The following EXOC4 variants were observed in gnomAD, a reference collection of about 807,000 sequenced individuals.
EXOC4 encodes SEC8-like 1.
In EXOC4, 71 loss-of-function variants were observed where a neutral mutation model predicts 107.2. The ratio of observed to expected loss-of-function variants is 0.66; its 90% CI spans 0.55 to 0.81. The LOEUF is 0.81. Ranked by LOEUF, EXOC4 falls within the 30% of genes least tolerant of loss-of-function variation. The pLI is 0.00. For synonymous variants in EXOC4, 456 were observed against 441.2 expected (o/e 1.03, Z -0.42); for missense variants, 1,108 against 1,189.6 (o/e 0.93, Z 1.01).
chr7:133,776,325 G>A (rs911579784), intron 10 of EXOC4, among the ~76,000 whole-genome samples: 2 of 152,166 alleles, frequency 1.3e-5, no homozygotes, highest in African/African-American at 4.8e-5. Context: ...CTCCTTTTCT[G>A]ATCCTGCCAA....
At position 134,065,743 on chromosome 7, in the gene EXOC4, G is replaced by A. The variant is rs534722004; in HGVS notation, c.*1215G>A. 2 of 152,304 alleles carry A rather than the reference G, an allele frequency of 1.3e-5. No homozygotes were observed. Among genetic ancestry groups the A allele is most frequent in the African/African-American group, 4.8e-5 (2 of 41,558 alleles). 9.4% of individuals were successfully genotyped at this position (152,304 alleles called of 1,614,324 possible). A position where few individuals can be genotyped will look rare whatever the true frequency, so the allele number is the denominator to read the frequency against. On this transcript the variant is annotated 3_prime_UTR_variant, in exon 18 of 18. Coordinates refer to ENST00000253861, the MANE Select transcript of EXOC4 (RefSeq NM_021807.4). The stretch of plus-strand genomic sequence containing the variant: ...GATGGGAAAAATGGAGAATTAAAAA[G>A]TGTTTTGAGAAGCTTAAATGTTTCA...
intron 14 of EXOC4, among the ~76,000 whole-genome samples, chr7:133,961,350 G>A (rs1800940168): frequency 6.9e-6 from 1 of 145,022 alleles, no homozygotes; most frequent in Middle Eastern, 3.5e-3. Context: ...GCAGTGGCAT[G>A]ATTTCGGCTC....
chr7:133,767,277 C>T (rs2151158562), intron 10 of EXOC4, among the ~76,000 whole-genome samples: 1 of 151,992 alleles, frequency 6.6e-6, no homozygotes, highest in South Asian at 2.1e-4. Flanking sequence ...TAAAACATGC[C>T]TCTTCAGGTA....
chr7:133,927,588 A>G, intron 13 of EXOC4, among the ~76,000 whole-genome samples: 1 of 152,248 alleles, frequency 6.6e-6, no homozygotes, highest in Non-Finnish European at 1.5e-5. Flanking sequence ...CAAAGTGTTC[A>G]TATTTATGTT....
chr7:133,791,849 T>C (rs1050234992), intron 10 of EXOC4, among the ~76,000 whole-genome samples: 3 of 152,222 alleles, frequency 2.0e-5, no homozygotes, highest in Non-Finnish European at 4.4e-5. Flanking sequence ...GTGAAAATGC[T>C]GCCTAATATT....
intron 14 of EXOC4, among the ~76,000 whole-genome samples, chr7:133,968,242 T>C (rs1374125360): frequency 1.3e-5 from 2 of 152,180 alleles, no homozygotes; most frequent in East Asian, 3.9e-4. Flanking sequence ...TGTCTTTGCA[T>C]GTGAGATGGG....
intron 14 of EXOC4, among the ~76,000 whole-genome samples, chr7:133,995,781 A>G (rs1794376066): frequency 1.3e-5 from 2 of 152,122 alleles, no homozygotes; most frequent in Non-Finnish European, 2.9e-5. Context: ...TTAGCCTTAC[A>G]TGTTAGAAGC....
chr7:134,077,838 C>T, the EXOC4 span, among the ~76,000 whole-genome samples: 18 of 152,228 alleles, frequency 1.2e-4, no homozygotes, highest in Non-Finnish European at 2.5e-4. Context: ...TCAGGCTCCT[C>T]ATGACCTTCA....
chr7:133,693,008 C>T (rs2430774), intron 10 of EXOC4, among the ~76,000 whole-genome samples: 1 of 152,108 alleles, frequency 6.6e-6, no homozygotes, highest in African/African-American at 2.4e-5. Context: ...AAGTACCATG[C>T]CCCTTGTATT....
intron 10 of EXOC4, among the ~76,000 whole-genome samples, chr7:133,811,285 T>G (rs555358572): frequency 7.9e-5 from 12 of 152,326 alleles, no homozygotes; most frequent in African/African-American, 2.2e-4. Context: ...TATTTTCTTT[T>G]CTAATGAGAT....
At chr7:133,460,204 C>T (rs190408915) in intron 7 of EXOC4, among the ~76,000 whole-genome samples, 2 of 152,258 alleles carry the variant, frequency 1.3e-5, no homozygotes, top group East Asian at 1.9e-4. Context: ...CTAGATCCCT[C>T]GCATGTGCAG....
In EXOC4 at chr7:134,023,612, G is replaced by A. The variant is rs541576451; in HGVS notation, c.2687+15777G>A. Among the ~76,000 whole-genome samples, 22 of 152,238 alleles carry A rather than the reference G, an allele frequency of 1.4e-4. No homozygotes were observed. The South Asian group carries it at 3.5e-3, about 24-fold the overall frequency. ...AACTCTGAAGGATTAAGTAACCCGGGTTCTACACTGTGGTAAATGACAAGA... is the reference window on the plus strand; with the variant it reads ...AACTCTGAAGGATTAAGTAACCCGGATTCTACACTGTGGTAAATGACAAGA... On this transcript the variant is annotated intron_variant, in intron 17 of 17. Coordinates refer to ENST00000253861, the MANE Select transcript of EXOC4 (RefSeq NM_021807.4).
intron 1 of EXOC4, among the ~76,000 whole-genome samples, chr7:133,273,301 C>A (rs905042452): frequency 6.6e-6 from 1 of 152,194 alleles, no homozygotes; most frequent in African/African-American, 2.4e-5. Context: ...CGTTTACATT[C>A]TCCACTCTGA....
chr7:133,835,371 C>T (rs1041222997), intron 11 of EXOC4, among the ~76,000 whole-genome samples: 16 of 152,156 alleles, frequency 1.1e-4, no homozygotes, highest in African/African-American at 2.4e-4. Context: ...ACACATGCAA[C>T]GTCAATACAT....
chr7:133,581,540 C>T (rs184192357), intron 9 of EXOC4, among the ~76,000 whole-genome samples: 6,188 of 151,640 alleles, frequency 0.041, 418 homozygotes, highest in African/African-American at 0.14. Flanking sequence ...GGGCGGATCA[C>T]GAGGTCAGGA....
intron 11 of EXOC4, among the ~76,000 whole-genome samples, chr7:133,833,649 A>G (rs1378773414): frequency 2.0e-5 from 3 of 152,112 alleles, no homozygotes; most frequent in African/African-American, 7.2e-5. Context: ...TGCAGCCTTG[A>G]TCTTCTGGAC....
intron 3 of EXOC4, among the ~76,000 whole-genome samples, chr7:133,295,112 A>G (rs1794489521): frequency 2.0e-5 from 3 of 152,122 alleles, no homozygotes; most frequent in Admixed American, 2.0e-4. Flanking sequence ...GATTGCTTCC[A>G]TGTTATAATC....
chr7:133,358,689 A>T (rs904880464), intron 6 of EXOC4, among the ~76,000 whole-genome samples: 8 of 152,200 alleles, frequency 5.3e-5, no homozygotes, highest in Non-Finnish European at 7.3e-5. Flanking sequence ...GCTGTAGTAT[A>T]TATTGGAAAT....
At chr7:134,056,026 G>T (rs1563107021) in intron 17 of EXOC4, among the ~76,000 whole-genome samples, 1 of 152,060 alleles carries the variant, frequency 6.6e-6, no homozygotes, top group Non-Finnish European at 1.5e-5. Flanking sequence ...AAGCCGTAGG[G>T]CCTCTCAGCA....
Sources: gnomAD v4.1 joint callset for allele counts (sites outside exome capture counted in the v4.1 genomes callset) on GRCh38, gnomAD v4.1.1 for gene constraint, MANE v1.5 for transcripts, NCBI Gene and HGNC (gene_info 2026-07-23, HGNC 2026-07-21) for gene names.